Variants in CCPG1 observed in about 807,000 individuals in gnomAD.
The protein encoded by CCPG1 is cell cycle progression protein 1.
Under a neutral mutation model 81.3 loss-of-function variants are expected in CCPG1, and 46 were observed. The ratio of observed to expected loss-of-function variants is 0.57; its 90% CI spans 0.45 to 0.72. The LOEUF is 0.72. CCPG1 is among the 30% of genes least tolerant of loss of function. CCPG1 has a pLI of 0.00. For missense variants in CCPG1, 902 were observed against 937.6 expected (o/e 0.96, Z 0.50); for synonymous variants, 330 against 305.2 (o/e 1.08, Z -0.85).
Position 55,355,501 on chromosome 15 carries a change from C to G in CCPG1, c.*719G>C. On this transcript the variant is annotated 3_prime_UTR_variant, in exon 9 of 9. Transcript: ENST00000442196. ...TGCTGCTTAAATACTTCGGTAAACA[C>G]TGGGTAAGATTCATGGAACTTAGAA... 1 of 1,281,486 alleles carries G rather than the reference C, an allele frequency of 7.8e-7. No homozygotes were observed. The highest frequency in any genetic ancestry group is 1.4e-5 in the South Asian group (1 of 72,196). 79.4% of individuals were successfully genotyped at this position (1,281,486 alleles called of 1,614,324 possible). A position where few individuals can be genotyped will look rare whatever the true frequency, so the allele number is the denominator to read the frequency against.
chr15:55,371,814 T>C lies in CCPG1; in HGVS notation c.685A>G (p.Met229Val), dbSNP rs753614715. ...VILALVIAIS[M>V]GFGHFYGTIQ... is the part of the protein sequence containing the mutation. ...TTACCATAGAAATGGCCAAATCCCA[T>C]GCTGATTGCAATCACCAAAGCAAGT... is the stretch of plus-strand genomic sequence containing the variant. The change falls in exon 6 of 9, where the codon ATG becomes GTG. Residue 229 changes from methionine to valine, a missense_variant. By Grantham distance (21) the Met-to-Val change is conservative (BLOSUM62 1). Around this residue, in one of 3 missense-constraint regions of CCPG1, gnomAD observed 746 missense variants for 728.6 expected, o/e 1.02. Coordinates refer to ENST00000442196, the MANE Select transcript of CCPG1 (RefSeq NM_001204450.2). The C allele has an allele frequency of 3.1e-6, 5 of 1,613,890 alleles. No individual in the cohort carries two copies. The highest frequency in any genetic ancestry group is 4.2e-6 in the Non-Finnish European group (5 of 1,179,882).
chr15:55,368,809 T>C (rs1251643018), intron 6 of CCPG1, among the ~76,000 whole-genome samples: 5 of 152,202 alleles, frequency 3.3e-5, no homozygotes, highest in Admixed American at 6.5e-5. Context: ...TAATATGGTA[T>C]TGTTAAATTA....
Position 55,377,105 on chromosome 15 carries a change from C to A in CCPG1, c.298G>T (p.Ala100Ser), listed in dbSNP as rs1319649300. Reference sequence around the variant, plus strand: ...GTAACAATATCAGAATCATCACTGGCAGTTCCAATATAGATACTGTCTTCG... The same window carrying A: ...GTAACAATATCAGAATCATCACTGGAAGTTCCAATATAGATACTGTCTTCG... ...IPEDSIYIGT[A>S]SDDSDIVTLE... The change falls in exon 5 of 9, where the codon GCC (alanine) becomes TCC (serine). Residue 100 changes from alanine (A) to serine (S), a missense_variant. Ala to Ser is a moderately conservative substitution (Grantham distance 99). This residue lies in a region of CCPG1 where 746 missense variants were observed against 728.6 expected (regional missense o/e 1.02). Transcript: ENST00000442196. 2.5e-6 allele frequency: 4 copies of A among 1,613,660 alleles called. No homozygotes were observed. The highest frequency in any genetic ancestry group is 3.4e-6 in the Non-Finnish European group (4 of 1,179,644).
chr15:55,376,900 T>A (rs1433715372), intron 5 of CCPG1, 49 bp downstream of exon 5: 1 of 1,360,986 alleles, frequency 7.3e-7, no homozygotes, highest in East Asian at 2.3e-5. Context: ...AGCCTTTATA[T>A]AAAATGTGGT....
chr15:55,368,199 T>C (rs1566969626), intron 6 of CCPG1, among the ~76,000 whole-genome samples: 1 of 152,144 alleles, frequency 6.6e-6, no homozygotes, highest in Admixed American at 6.5e-5. Flanking sequence ...CCATCCCTCA[T>C]GTATATCAAG....
In CCPG1 at chr15:55,360,276, A is replaced by G; in HGVS notation, c.1497T>C (p.Ser499=). 1.2e-6 allele frequency: 2 copies of G among 1,614,040 alleles called. No individual in the cohort carries two copies. The highest frequency in any genetic ancestry group is 1.1e-5 in the South Asian group (1 of 91,058). ...VKETFDAMKN[S]TKEFVRHHKE... is the part of the protein sequence containing the mutation. The stretch of plus-strand genomic sequence containing the variant: ...TATGATGCCTTACAAACTCCTTGGT[A>G]GAATTCTTCATGGCATCAAATGTTT... The change falls in exon 8 of 9, where the codon TCT becomes TCC. Residue 499 remains serine, a synonymous_variant. Coordinates refer to ENST00000442196, the MANE Select transcript of CCPG1 (RefSeq NM_001204450.2).
intron 8 of CCPG1, chr15:55,357,314 T>C (rs371425511): frequency 1.0e-6 from 1 of 984,936 alleles, no homozygotes; most frequent in Non-Finnish European, 1.2e-6. Context: ...TCAATGTTAC[T>C]ATTTTCCAAA....
intron 3 of CCPG1, among the ~76,000 whole-genome samples, chr15:55,380,719 G>A (rs2056670867): frequency 6.6e-6 from 1 of 151,904 alleles, no homozygotes; most frequent in Non-Finnish European, 1.5e-5. Context: ...CACAGTACTC[G>A]GCCGGGGTGC....
At position 55,355,966 on chromosome 15, in the gene CCPG1, C is replaced by A; in HGVS notation, c.*254G>T. 2.2e-6 allele frequency: 1 copy of A among 456,344 alleles called. No homozygotes were observed. 28.3% of individuals were successfully genotyped at this position (456,344 alleles called of 1,614,324 possible). On this transcript the variant is annotated 3_prime_UTR_variant, in exon 9 of 9. Transcript: ENST00000442196. ...TTCATGCACAAAATCTGTTGCATGC[C>A]TGGCTTCCTTAATAAAACTACAGTT...
chr15:55,387,880 G>T (rs989273180), intron 2 of CCPG1, among the ~76,000 whole-genome samples: 1 of 145,480 alleles, frequency 6.9e-6, no homozygotes, highest in Non-Finnish European at 1.5e-5. Context: ...GGCCGGGCAC[G>T]GTGGCTCACG....
intron 1 of CCPG1, among the ~76,000 whole-genome samples, chr15:55,392,183 C>G (rs997379578): frequency 6.8e-6 from 1 of 147,880 alleles, no homozygotes; most frequent in Non-Finnish European, 1.5e-5. Flanking sequence ...CAATCTAGTA[C>G]AAATATAGTT....
chr15:55,357,126 C>G, intron 8 of CCPG1: 1 of 981,472 alleles, frequency 1.0e-6, no homozygotes, highest in Non-Finnish European at 1.2e-6. Context: ...GAACTAACTG[C>G]CAACTAACCC....
chr15:55,378,989 ATACC>A (rs2056622800), intron 3 of CCPG1, among the ~76,000 whole-genome samples: 1 of 151,924 alleles, frequency 6.6e-6, no homozygotes, highest in Non-Finnish European at 1.5e-5. Context: ...ATGTTCATTA[ATACC>A]TAATATGAAA....
In CCPG1 at chr15:55,356,122, G is replaced by T. The variant is rs974912652; in HGVS notation, c.*98C>A. ...ACTGATACTTAGAAACAAAAGAAAA[G>T]ACATTGTCATCTTGGTAATTTCATT... On this transcript the variant is annotated 3_prime_UTR_variant, in exon 9 of 9. Coordinates refer to ENST00000442196, the MANE Select transcript of CCPG1 (RefSeq NM_001204450.2). The T allele has an allele frequency of 2.7e-5, 24 of 887,976 alleles. No homozygotes were observed. The highest frequency in any genetic ancestry group is 2.7e-4 in the Middle Eastern group (1 of 3,684). The allele number at this position is 887,976 out of a possible 1,614,324, so 55.0% of individuals were successfully genotyped here.
In CCPG1 at chr15:55,360,283, T is replaced by C; in HGVS notation, c.1490A>G (p.Lys497Arg). The change falls in exon 8 of 9, where the codon AAG becomes AGG. Residue 497 changes from lysine (K) to arginine (R), a missense_variant. This residue lies in a region of CCPG1 where 746 missense variants were observed against 728.6 expected (regional missense o/e 1.02). Transcript: ENST00000442196. Reference sequence around the variant, plus strand: ...CCTTACAAACTCCTTGGTAGAATTCTTCATGGCATCAAATGTTTCCTTAAC... The same window carrying C: ...CCTTACAAACTCCTTGGTAGAATTCCTCATGGCATCAAATGTTTCCTTAAC... ...GSVKETFDAM[K>R]NSTKEFVRHH... The C allele has an allele frequency of 6.2e-7, 1 of 1,614,132 alleles. No homozygotes were observed. Among genetic ancestry groups the C allele is most frequent in the Non-Finnish European group, 8.5e-7 (1 of 1,180,030 alleles).
intron 1 of CCPG1, among the ~76,000 whole-genome samples, chr15:55,398,808 T>C (rs141245565): frequency 4.6e-5 from 7 of 152,182 alleles, no homozygotes; most frequent in African/African-American, 1.7e-4. Context: ...TCTCGATCTC[T>C]TGACCTCATG....
chr15:55,390,406 C>T (rs2056890955), intron 1 of CCPG1, among the ~76,000 whole-genome samples: 1 of 151,650 alleles, frequency 6.6e-6, no homozygotes, highest in African/African-American at 2.4e-5. Flanking sequence ...TCTGAAACTC[C>T]TTTAAACTTC....
intron 6 of CCPG1, 111 bp from the exon 7 acceptor site, chr15:55,365,420 T>G (rs71476720): frequency 1.2e-4 from 27 of 222,584 alleles, no homozygotes; most frequent in South Asian, 5.5e-4. Context: ...CTTTTTTTTG[T>G]TTTTTTTTTT....
intron 2 of CCPG1, among the ~76,000 whole-genome samples, chr15:55,386,104 A>T (rs1336941538): frequency 1.3e-5 from 2 of 151,852 alleles, no homozygotes; most frequent in Non-Finnish European, 2.9e-5. Context: ...AAAAATTCAA[A>T]TCTGGCTGGG....
Sources: gnomAD v4.1 joint callset for allele counts (sites outside exome capture counted in the v4.1 genomes callset) on GRCh38, gnomAD v4.1.1 for gene constraint, gnomAD v4.1.1 regional missense constraint, MANE v1.5 for transcripts, NCBI Gene and HGNC (gene_info 2026-07-23, HGNC 2026-07-21) for gene names.